The following OXR1 variants were observed in gnomAD, a reference collection of about 807,000 sequenced individuals.
OXR1 encodes oxidation resistance 1.
Under a neutral mutation model 104.6 loss-of-function variants are expected in OXR1, and 41 were observed. That is an observed-to-expected ratio of 0.39 (90% CI 0.31 to 0.51). The LOEUF (loss-of-function observed/expected upper bound fraction) is 0.51. Ranked by LOEUF, OXR1 falls within the 20% of genes least tolerant of loss-of-function variation. OXR1 has a pLI of 0.77. For synonymous variants in OXR1, 348 were observed against 348.4 expected (o/e 1.00, Z 0.01); for missense variants, 955 against 1,031.9 (o/e 0.93, Z 1.02).
chr8:106,369,345 G>A (rs1816612192), intron 2 of OXR1, among the ~76,000 whole-genome samples: 1 of 152,144 alleles, frequency 6.6e-6, no homozygotes, highest in African/African-American at 2.4e-5. Context: ...CATACTGTGG[G>A]TTACCTGTTC....
intron 2 of OXR1, among the ~76,000 whole-genome samples, chr8:106,477,443 A>G (rs149890022): frequency 3.3e-5 from 5 of 152,122 alleles, no homozygotes; most frequent in African/African-American, 1.2e-4. Flanking sequence ...GTTATGATTG[A>G]ATACTGCATC....
At chr8:106,289,487 A>C (rs1345781212) in intron 1 of OXR1, among the ~76,000 whole-genome samples, 1 of 152,236 alleles carries the variant, frequency 6.6e-6, no homozygotes, top group Non-Finnish European at 1.5e-5. Flanking sequence ...GGAGAATTAC[A>C]AAACACTGCT....
chr8:106,682,348 A>G (rs1483178921), intron 4 of OXR1: 1 of 144,516 alleles, frequency 6.9e-6, no homozygotes, highest in Non-Finnish European at 1.5e-5. Flanking sequence ...GGCTCACTGC[A>G]AGCTCGGCCT....
At chr8:106,324,268 C>T (rs751008947) in intron 1 of OXR1, among the ~76,000 whole-genome samples, 1 of 152,080 alleles carries the variant, frequency 6.6e-6, no homozygotes, top group Non-Finnish European at 1.5e-5. Flanking sequence ...GAACAGAAAA[C>T]CCAATACTGC....
intron 2 of OXR1, among the ~76,000 whole-genome samples, chr8:106,468,290 A>G (rs1270080951): frequency 6.6e-6 from 1 of 151,788 alleles, no homozygotes; most frequent in Non-Finnish European, 1.5e-5. Context: ...AGTGCTATGA[A>G]GAAAACTAAA....
chr8:106,559,119 A>AC (rs1816492415), intron 3 of OXR1, among the ~76,000 whole-genome samples: 1 of 152,164 alleles, frequency 6.6e-6, no homozygotes, highest in Non-Finnish European at 1.5e-5. Flanking sequence ...TCTCTGAAAT[A>AC]CCCCATTTAA....
At chr8:106,601,320 CAG>C (rs34083123) in intron 3 of OXR1, among the ~76,000 whole-genome samples, 27,669 of 152,098 alleles carry the variant, frequency 0.18, 2,702 homozygotes, top group East Asian at 0.41. Flanking sequence ...GCTGCTAAAA[CAG>C]AATACCACAG....
intron 2 of OXR1, among the ~76,000 whole-genome samples, chr8:106,470,896 C>T (rs1821456082): frequency 6.6e-6 from 1 of 151,710 alleles, no homozygotes; most frequent in Non-Finnish European, 1.5e-5. Context: ...GATAACTGAC[C>T]ATTAGGTTTA....
intron 3 of OXR1, among the ~76,000 whole-genome samples, chr8:106,676,756 G>A (rs892260318): frequency 1.3e-5 from 2 of 151,928 alleles, no homozygotes; most frequent in African/African-American, 4.8e-5. Context: ...CATATTGATG[G>A]AAGAAAACAA....
intron 1 of OXR1, among the ~76,000 whole-genome samples, chr8:106,328,491 CT>C (rs1433874944): frequency 6.6e-6 from 1 of 152,026 alleles, no homozygotes; most frequent in Non-Finnish European, 1.5e-5. Context: ...TTAAAATATC[CT>C]ACATTAAAAG....
chr8:106,495,469 C>T (rs1053844327), intron 2 of OXR1, among the ~76,000 whole-genome samples: 1 of 152,130 alleles, frequency 6.6e-6, no homozygotes, highest in Non-Finnish European at 1.5e-5. Flanking sequence ...CTTGACATCT[C>T]CATATTTCTG....
At chr8:106,498,001 G>T (rs1314166887) in intron 2 of OXR1, among the ~76,000 whole-genome samples, 2 of 151,988 alleles carry the variant, frequency 1.3e-5, no homozygotes, top group Non-Finnish European at 2.9e-5. Flanking sequence ...TTTTAACTGG[G>T]TTCAAATGTA....
chr8:106,701,377 T>C (rs544631789), intron 7 of OXR1, among the ~76,000 whole-genome samples: 5 of 152,338 alleles, frequency 3.3e-5, no homozygotes, highest in East Asian at 1.9e-4. Flanking sequence ...AGATTTACTT[T>C]TTATTTTATC....
At chr8:106,457,422 C>A (rs1820661679) in intron 2 of OXR1, among the ~76,000 whole-genome samples, 1 of 152,126 alleles carries the variant, frequency 6.6e-6, no homozygotes, top group Non-Finnish European at 1.5e-5. Flanking sequence ...CTTTAAATTA[C>A]CCAGACTGTG....
At chr8:106,629,095 C>A (rs1279198791) in intron 3 of OXR1, among the ~76,000 whole-genome samples, 2 of 152,176 alleles carry the variant, frequency 1.3e-5, no homozygotes, top group East Asian at 3.9e-4. Flanking sequence ...TCCTCTCCCC[C>A]ACCCTCCAAA....
chr8:106,516,426 T>C (rs1812864555), intron 2 of OXR1, among the ~76,000 whole-genome samples: 1 of 152,172 alleles, frequency 6.6e-6, no homozygotes. Flanking sequence ...GCCTGTGTTG[T>C]TCACTGTGTA....
intron 3 of OXR1, among the ~76,000 whole-genome samples, chr8:106,558,730 T>A (rs1011690533): frequency 2.2e-4 from 33 of 152,200 alleles, no homozygotes; most frequent in African/African-American, 6.8e-4. Context: ...TTTTCCAAAA[T>A]CATAAGATGA....
intron 3 of OXR1, among the ~76,000 whole-genome samples, chr8:106,595,423 G>A (rs753155324): frequency 4.0e-5 from 6 of 151,760 alleles, no homozygotes; most frequent in Admixed American, 6.6e-5. Context: ...GGTCGTGGGC[G>A]CTTGTAATCC....
At chr8:106,307,316 T>TC (rs966855243) in intron 1 of OXR1, among the ~76,000 whole-genome samples, 1 of 152,144 alleles carries the variant, frequency 6.6e-6, no homozygotes, top group Non-Finnish European at 1.5e-5. Context: ...TGTTATGATT[T>TC]CCCCATTGTC....
Sources: gnomAD v4.1 joint callset for allele counts (sites outside exome capture counted in the v4.1 genomes callset) on GRCh38, gnomAD v4.1.1 for gene constraint, MANE v1.5 for transcripts, NCBI Gene and HGNC (gene_info 2026-07-23, HGNC 2026-07-21) for gene names.